ATG5: variants seen among roughly 807,000 people sequenced by gnomAD.
ATG5 encodes autophagy related 5, also known as autophagy protein 5.
In ATG5, 14 loss-of-function variants were observed where a neutral mutation model predicts 36.5. That is an observed-to-expected ratio of 0.38 (90% confidence interval 0.25 to 0.60). The LOEUF (loss-of-function observed/expected upper bound fraction) is 0.60. ATG5 is among the 20% of genes least tolerant of loss of function. The pLI, the probability that ATG5 is intolerant of heterozygous loss-of-function variation, is 0.60. For synonymous variants in ATG5, 95 were observed against 101.5 expected (o/e 0.94, Z 0.38); for missense variants, 195 against 326.7 (o/e 0.60, Z 3.11).
rs767248771 is a variant in ATG5, at chr6:106,316,107, T to C, written c.102A>G (p.Pro34=). ...QDEITEREAE[P]YYLLLPRVSY... is the part of the protein sequence containing the mutation. Reference sequence around the variant, plus strand: ...CCACAATCAATGTACTTACATAGTATGGTTCTGCTTCCCTTTCAGTTATCT... The same window carrying C: ...CCACAATCAATGTACTTACATAGTACGGTTCTGCTTCCCTTTCAGTTATCT... The change falls in exon 2 of 8, where the codon CCA becomes CCG. Residue 34 remains proline (P), a synonymous_variant. Coordinates refer to ENST00000369076, the MANE Select transcript of ATG5 (RefSeq NM_004849.4). 4.3e-6 allele frequency: 7 copies of C among 1,611,692 alleles called. No homozygotes were observed. Among genetic ancestry groups the C allele is most frequent in the Middle Eastern group, 1.6e-4 (1 of 6,074 alleles).
At chr6:106,265,129 A>G (rs140450069) in intron 5 of ATG5, among the ~76,000 whole-genome samples, 1 of 151,764 alleles carries the variant, frequency 6.6e-6, no homozygotes, top group African/African-American at 2.4e-5. Context: ...TAGGTTCAAA[A>G]TAAAGAGATT....
chr6:106,325,031 T>C (rs1164413155), intron 1 of ATG5, among the ~76,000 whole-genome samples: 1 of 152,192 alleles, frequency 6.6e-6, no homozygotes, highest in East Asian at 1.9e-4. Context: ...AATTTTAAAA[T>C]AATCCAAAGT....
intron 6 of ATG5, among the ~76,000 whole-genome samples, chr6:106,246,392 TCACACACA>T (rs72252671): frequency 0.013 from 1,672 of 129,592 alleles, 12 homozygotes; most frequent in Admixed American, 0.015. Context: ...TCTCTCTCTC[TCACACACA>T]CACACACACA....
intron 5 of ATG5, among the ~76,000 whole-genome samples, chr6:106,251,993 A>T (rs1778611749): frequency 6.6e-6 from 1 of 152,010 alleles, no homozygotes; most frequent in South Asian, 2.1e-4. Flanking sequence ...GGCATGCATC[A>T]TCACGCCCGG....
chr6:106,247,630 C>T (rs538339715), intron 6 of ATG5, among the ~76,000 whole-genome samples: 4 of 152,320 alleles, frequency 2.6e-5, no homozygotes, highest in Admixed American at 2.6e-4. Flanking sequence ...AATACATAAC[C>T]TTGTTCTATG....
At chr6:106,206,309 G>A (rs1011254641) in intron 6 of ATG5, among the ~76,000 whole-genome samples, 2 of 152,184 alleles carry the variant, frequency 1.3e-5, no homozygotes, top group Non-Finnish European at 2.9e-5. Flanking sequence ...GCAGAGAGCA[G>A]CCCTCACCAG....
chr6:106,190,544 C>T lies in ATG5; in HGVS notation c.692-3868G>A, dbSNP rs71572293. ...TCTCTACTCTCTTTTAATCTGCAAC[C>T]GTTTTTTAGCCTTTTCTACATTTCT... is the stretch of plus-strand genomic sequence containing the variant. On this transcript the variant is annotated intron_variant, in intron 7 of 7. Transcript: ENST00000369076. 8.2e-3 allele frequency among the ~76,000 whole-genome samples: 1,244 copies of T among 152,182 alleles called. 12 individuals are homozygous for T. Among genetic ancestry groups the T allele is most frequent in the Non-Finnish European group, 0.01 (697 of 68,012 alleles).
At chr6:106,292,877 T>C (rs753116278) in intron 4 of ATG5, 151 bp downstream of exon 4, 60 of 574,628 alleles carry the variant, frequency 1.0e-4, no homozygotes, top group Non-Finnish European at 1.6e-4. Context: ...AATTGAAAAG[T>C]ATCTTATAGA....
At chr6:106,186,772 A>G in intron 7 of ATG5, 96 bp from the exon 8 acceptor site, 1 of 1,383,644 alleles carries the variant, frequency 7.2e-7, no homozygotes, top group African/African-American at 1.4e-5. Flanking sequence ...CATTAAATGG[A>G]TTTTAAACAT....
At chr6:106,230,936 T>C (rs888885256) in intron 6 of ATG5, among the ~76,000 whole-genome samples, 1 of 152,120 alleles carries the variant, frequency 6.6e-6, no homozygotes, top group African/African-American at 2.4e-5. Flanking sequence ...CTCGCAATTA[T>C]GTAAAAAGTG....
rs1331858003 is a variant in ATG5, at chr6:106,231,504, T to C, written c.573+16646A>G. 2.6e-5 allele frequency among the ~76,000 whole-genome samples: 4 copies of C among 152,262 alleles called. No individual in the cohort carries two copies. The East Asian group carries it at 7.7e-4, about 29-fold the overall frequency. On this transcript the variant is annotated intron_variant, in intron 6 of 7. Transcript: ENST00000369076. ...ATTGGTGCCGCAGACATTTGCTAAC[T>C]TGCGTGCTAGAAGGACTAAGGAAAA...
intron 6 of ATG5, among the ~76,000 whole-genome samples, chr6:106,206,779 A>G (rs560037963): frequency 9.6e-4 from 146 of 152,344 alleles, no homozygotes; most frequent in African/African-American, 3.3e-3. Context: ...AGAGGTTCTT[A>G]AGGGCAATGG....
rs540378641 is a variant in ATG5 at position 106,226,909 on chromosome 6, C to A, written c.573+21241G>T. Among the ~76,000 whole-genome samples the A allele has an allele frequency of 2.6e-5, 4 of 151,260 alleles. No individual in the cohort carries two copies. In the South Asian group the frequency reaches 8.3e-4, roughly 32 times the overall value. Reference sequence around the variant, plus strand: ...AGCAAATCTAAAGATAGGTCAATTGCGAGAAAGAGAGGGAAGAAGGAAGGA... The same window carrying A: ...AGCAAATCTAAAGATAGGTCAATTGAGAGAAAGAGAGGGAAGAAGGAAGGA... On this transcript the variant is annotated intron_variant, in intron 6 of 7. Coordinates refer to ENST00000369076, the MANE Select transcript of ATG5 (RefSeq NM_004849.4).
At chr6:106,208,990 C>T (rs1776750655) in intron 6 of ATG5, among the ~76,000 whole-genome samples, 2 of 152,192 alleles carry the variant, frequency 1.3e-5, no homozygotes. Flanking sequence ...TATCATTACA[C>T]ACCTACCAAA....
intron 2 of ATG5, among the ~76,000 whole-genome samples, chr6:106,313,798 A>C (rs150326257): frequency 9.1e-4 from 138 of 152,324 alleles, no homozygotes; most frequent in Admixed American, 3.1e-3. Context: ...TGGCACTAAA[A>C]TCCTCATCTG....
chr6:106,272,690 G>A (rs1018889934), intron 5 of ATG5, among the ~76,000 whole-genome samples: 22 of 152,138 alleles, frequency 1.4e-4, no homozygotes, highest in Non-Finnish European at 3.1e-4. Flanking sequence ...TTACCCCAGC[G>A]TCCCCTGTGC....
Position 106,226,722 on chromosome 6 carries a change from T to C in ATG5, c.573+21428A>G, listed in dbSNP as rs559316714. Among the ~76,000 whole-genome samples, 9 of 152,342 alleles carry C rather than the reference T, an allele frequency of 5.9e-5. No individual in the cohort carries two copies. In the East Asian group the frequency reaches 1.5e-3, roughly 26 times the overall value. On this transcript the variant is annotated intron_variant, in intron 6 of 7. Transcript: ENST00000369076. ...TCAACACAATGTTGTGTGAGATTTA[T>C]CCATGTTGTTGCATGTATCATTCCC...
At chr6:106,230,768 A>G (rs901796120) in intron 6 of ATG5, among the ~76,000 whole-genome samples, 2 of 152,108 alleles carry the variant, frequency 1.3e-5, no homozygotes, top group Non-Finnish European at 2.9e-5. Flanking sequence ...CTTCTGCAGT[A>G]CCGCCTGGCA....
chr6:106,189,134 C>A (rs1040149353), intron 7 of ATG5, among the ~76,000 whole-genome samples: 1 of 152,142 alleles, frequency 6.6e-6, no homozygotes, highest in Admixed American at 6.5e-5. Context: ...TTTTGGAATG[C>A]TTTCTGATAG....
Sources: allele counts gnomAD v4.1 joint callset (sites outside exome capture counted in the v4.1 genomes callset), GRCh38; gene constraint gnomAD v4.1.1; transcripts MANE v1.5; gene names NCBI Gene and HGNC (gene_info 2026-07-23, HGNC 2026-07-21).